USH2A: variants seen among roughly 807,000 people sequenced by gnomAD.
The protein encoded by USH2A is Usher syndrome 2A (autosomal recessive, mild).
In USH2A, 443 loss-of-function variants were observed where a neutral mutation model predicts 538.9. That is an observed-to-expected ratio of 0.82 (90% confidence interval 0.76 to 0.89). USH2A has a LOEUF of 0.89. Ranked by LOEUF, USH2A falls within the 40% of genes least tolerant of loss-of-function variation. USH2A has a pLI of 0.00. For missense variants in USH2A, 6,633 were observed against 6,324.8 expected, an observed-to-expected ratio of 1.05 and a Z score of -1.65; for synonymous variants, 2,413 against 2,273.5, an observed-to-expected ratio of 1.06 and a Z score of -1.75.
intron 38 of USH2A, among the ~76,000 whole-genome samples, chr1:215,928,777 T>C (rs1198268910): frequency 2.0e-5 from 3 of 152,128 alleles, no homozygotes; most frequent in African/African-American, 7.2e-5. Flanking sequence ...ACAGAATGGT[T>C]GTTTTAAGTT....
intron 30 of USH2A, among the ~76,000 whole-genome samples, chr1:216,061,878 A>G (rs1278856864): frequency 6.6e-6 from 1 of 152,226 alleles, no homozygotes; most frequent in Non-Finnish European, 1.5e-5. Flanking sequence ...ACTGGGAAGA[A>G]AGAAGCTGAA....
At chr1:216,039,723 C>G (rs1002106377) in intron 32 of USH2A, among the ~76,000 whole-genome samples, 5 of 151,874 alleles carry the variant, frequency 3.3e-5, no homozygotes, top group African/African-American at 1.2e-4. Flanking sequence ...GATAAGGTTC[C>G]TTATAACGCT....
At chr1:216,063,896 T>TA (rs1330781336) in intron 30 of USH2A, among the ~76,000 whole-genome samples, 2 of 152,220 alleles carry the variant, frequency 1.3e-5, no homozygotes, top group East Asian at 3.8e-4. Context: ...TTCTATAGAC[T>TA]ACTAATATTA....
At chr1:216,274,248 A>G (rs1303875309) in intron 11 of USH2A, among the ~76,000 whole-genome samples, 3 of 152,074 alleles carry the variant, frequency 2.0e-5, no homozygotes, top group African/African-American at 4.8e-5. Flanking sequence ...AGCTTAGCCA[A>G]TATTGAAGCA....
intron 71 of USH2A, among the ~76,000 whole-genome samples, chr1:215,627,440 C>CTTT (rs1425648183): frequency 9.3e-4 from 73 of 78,216 alleles, no homozygotes; most frequent in African/African-American, 2.1e-3. Context: ...TTCCTTCCTT[C>CTTT]CTTCCTTCCT....
intron 4 of USH2A, among the ~76,000 whole-genome samples, chr1:216,349,258 G>T (rs1039432743): frequency 6.6e-6 from 1 of 151,996 alleles, no homozygotes; most frequent in Non-Finnish European, 1.5e-5. Flanking sequence ...TATTCAGCTT[G>T]AAGAAGTTAG....
Position 216,228,281 on chromosome 1 carries a change from A to G in USH2A, c.2993+3672T>C, listed in dbSNP as rs548328867. ...AATGAAGAGGCCAAAGAACTGCATC[A>G]GTACATGTCAAAGTAGTTTAAAATA... is the stretch of plus-strand genomic sequence containing the variant. On this transcript the variant is annotated intron_variant, in intron 14 of 71. Transcript: ENST00000307340. Among the ~76,000 whole-genome samples the G allele has an allele frequency of 2.0e-5, 3 of 152,316 alleles. No homozygotes were observed. The South Asian group carries it at 6.2e-4, about 32-fold the overall frequency.
At chr1:215,631,484 C>A (rs1300246477) in intron 70 of USH2A, among the ~76,000 whole-genome samples, 1 of 152,194 alleles carries the variant, frequency 6.6e-6, no homozygotes, top group Non-Finnish European at 1.5e-5. Context: ...CTCTCATGGT[C>A]TCCAACTTTG....
intron 3 of USH2A, among the ~76,000 whole-genome samples, chr1:216,399,290 C>G (rs1464095677): frequency 6.6e-6 from 1 of 152,136 alleles, no homozygotes; most frequent in African/African-American, 2.4e-5. Context: ...CCTCTCCACT[C>G]TCTTCACAGC....
chr1:215,696,401 GT>G (rs1658811944), intron 61 of USH2A, among the ~76,000 whole-genome samples: 2 of 152,130 alleles, frequency 1.3e-5, no homozygotes, highest in South Asian at 2.1e-4. Context: ...ACAGGTTTGG[GT>G]TTTGAAACTG....
chr1:215,885,079 T>C (rs72742766), intron 41 of USH2A, among the ~76,000 whole-genome samples: 1,693 of 152,292 alleles, frequency 0.011, 12 homozygotes, highest in Non-Finnish European at 0.018. Context: ...ATGTTATTTC[T>C]TATCAATCCT....
Position 215,845,835 on chromosome 1 carries a change from G to C in USH2A, c.9044C>G (p.Thr3015Ser). 6.2e-7 allele frequency: 1 copy of C among 1,613,702 alleles called. No homozygotes were observed. Among genetic ancestry groups the C allele is most frequent in the Non-Finnish European group, 8.5e-7 (1 of 1,179,774 alleles). Residue 3015 changes from threonine (T) to serine (S), a missense_variant, in exon 45 of 72, where the codon ACT becomes AGT. Physicochemically the swap from Thr to Ser is moderately conservative, Grantham distance 58. Transcript: ENST00000307340. ...SINSAGLHAT[T>S]CDGEPQGMLP... is the part of the protein sequence containing the mutation. ...GAATCTGGACTCACCCCCATCGCAA[G>C]TGGTTGCATGAAGTCCTGCACTGTT...
chr1:216,166,458 T>G (rs2034171694), intron 21 of USH2A, among the ~76,000 whole-genome samples: 1 of 151,964 alleles, frequency 6.6e-6, no homozygotes, highest in Admixed American at 6.6e-5. Context: ...CATTAAAAGG[T>G]TTTACACAAG....
intron 44 of USH2A, among the ~76,000 whole-genome samples, chr1:215,854,521 G>A (rs1451851864): frequency 6.6e-6 from 1 of 152,134 alleles, no homozygotes; most frequent in Non-Finnish European, 1.5e-5. Flanking sequence ...TCTCATGCCA[G>A]GGAAATCAAG....
At chr1:216,289,433 A>C (rs1390036404) in intron 10 of USH2A, 23 bp from the exon 11 acceptor site, 1 of 1,613,542 alleles carries the variant, frequency 6.2e-7, no homozygotes, top group East Asian at 2.2e-5. Context: ...AAGGTTATGC[A>C]TTATGACTTC....
chr1:215,673,448 T>A (rs1427041815), intron 63 of USH2A, among the ~76,000 whole-genome samples: 1 of 152,204 alleles, frequency 6.6e-6, no homozygotes. Context: ...TGGGGAAAAC[T>A]GCCAAACAAT....
At chr1:216,372,310 TC>T (rs1340399358) in intron 3 of USH2A, among the ~76,000 whole-genome samples, 1 of 152,060 alleles carries the variant, frequency 6.6e-6, no homozygotes, top group Non-Finnish European at 1.5e-5. Context: ...TTCTCTCCAT[TC>T]CCACACCTTC....
At chr1:215,888,050 AC>A (rs1228802678) in intron 41 of USH2A, among the ~76,000 whole-genome samples, 1 of 152,234 alleles carries the variant, frequency 6.6e-6, no homozygotes, top group Admixed American at 6.5e-5. Context: ...ATTAAAAAAT[AC>A]CAGACTATTG....
At chr1:215,859,874 C>T (rs1043387667) in intron 44 of USH2A, among the ~76,000 whole-genome samples, 2 of 152,112 alleles carry the variant, frequency 1.3e-5, no homozygotes, top group African/African-American at 4.8e-5. Context: ...TTTATATCAC[C>T]ACCAAACCTC....
Sources: allele counts gnomAD v4.1 joint callset (sites outside exome capture counted in the v4.1 genomes callset), GRCh38; gene constraint gnomAD v4.1.1; transcripts MANE v1.5; gene names NCBI Gene and HGNC (gene_info 2026-07-23, HGNC 2026-07-21).